NUTM2G: variants seen among roughly 807,000 people sequenced by gnomAD.
NUTM2G encodes the protein NUT family member 2G.
NUTM2G carries 29 observed loss-of-function variants against 44.3 expected under a neutral mutation model. The ratio of observed to expected loss-of-function variants is 0.66; its 90% CI spans 0.49 to 0.89. The LOEUF is 0.89. Ranked by LOEUF, NUTM2G falls within the 40% of genes least tolerant of loss-of-function variation. The pLI, the probability that NUTM2G is intolerant of heterozygous loss-of-function variation, is 0.00. For missense variants in NUTM2G, 502 were observed against 946.5 expected (o/e 0.53, Z 6.16); for synonymous variants, 205 against 395.9 (o/e 0.52, Z 5.72).
At chr9:96,936,798 G>C (rs1353799169) in intron 4 of NUTM2G, among the ~76,000 whole-genome samples, 2 of 152,176 alleles carry the variant, frequency 1.3e-5, no homozygotes, top group African/African-American at 4.8e-5. Flanking sequence ...CTCTCCCCTT[G>C]CCTGTCCAAA....
chr9:96,934,820 GTCCCAGA>G (rs1338164049), intron 2 of NUTM2G, among the ~76,000 whole-genome samples: 10 of 152,164 alleles, frequency 6.6e-5, no homozygotes, highest in African/African-American at 4.8e-5. Flanking sequence ...GAGGCCAGAA[GTCCCAGA>G]TCAAGGTGAC....
rs557506451 is a variant in NUTM2G at position 96,937,472 on chromosome 9, A to G, written c.1323+68A>G. ...GTGGCACTTCCAGGTCCTTGGAATTAAGCTCTGTTCCTTAGCTACTCAGTA... is the reference window on the plus strand; with the variant it reads ...GTGGCACTTCCAGGTCCTTGGAATTGAGCTCTGTTCCTTAGCTACTCAGTA... On this transcript the variant is annotated intron_variant, in intron 5 of 6. Transcript: ENST00000372322. 4,675 of 1,427,662 alleles carry G rather than the reference A, an allele frequency of 3.3e-3. 20 individuals are homozygous for G. The highest frequency in any genetic ancestry group is 4.0e-3 in the Non-Finnish European group (4,137 of 1,031,930). 88.4% of individuals were successfully genotyped at this position (1,427,662 alleles called of 1,614,324 possible).
Position 96,937,146 on chromosome 9 carries a change from G to T in NUTM2G, c.1065G>T (p.Lys355Asn), listed in dbSNP as rs201133792. The T allele has an allele frequency of 6.2e-7, 1 of 1,611,732 alleles. No individual in the cohort carries two copies. The highest frequency in any genetic ancestry group is 1.3e-5 in the African/African-American group (1 of 74,802). The stretch of plus-strand genomic sequence containing the variant: ...GGCCCCAGAGGCCAGCGGAGACCAA[G>T]GCCCACCTGCCACCACCCAGGCCCC... The part of the protein sequence containing the change: ...PPRPQRPAET[K>N]AHLPPPRPPR... The change falls in exon 5 of 7, where the codon AAG (lysine) becomes AAT (asparagine). Residue 355 changes from lysine (K) to asparagine (N), a missense_variant. Coordinates refer to ENST00000372322, the MANE Select transcript of NUTM2G (RefSeq NM_001170741.3).
downstream of NUTM2G, among the ~76,000 whole-genome samples, chr9:96,942,230 C>T (rs1826610711): frequency 7.2e-6 from 1 of 138,452 alleles, no homozygotes; most frequent in Admixed American, 7.2e-5. Flanking sequence ...TGGACTTGCT[C>T]CAGGTGGCTG....
At chr9:96,933,585 G>A (rs1438122421) in intron 2 of NUTM2G, 1 of 151,982 alleles carries the variant, frequency 6.6e-6, no homozygotes, top group African/African-American at 2.4e-5. Context: ...TGTTAAGCAG[G>A]CTGGTCTTGA....
At chr9:96,940,842 T>C (rs1438198365), downstream of NUTM2G, among the ~76,000 whole-genome samples, 1 of 152,288 alleles carries the variant, frequency 6.6e-6, no homozygotes, top group African/African-American at 2.4e-5. Flanking sequence ...CTCTGCCCCA[T>C]CCCTTCTGCT....
In NUTM2G at chr9:96,937,312, G is replaced by A. The variant is rs767425758; in HGVS notation, c.1231G>A (p.Glu411Lys). The change falls in exon 5 of 7, where the codon GAG becomes AAG. Residue 411 changes from glutamate to lysine, a missense_variant. Coordinates refer to ENST00000372322, the MANE Select transcript of NUTM2G (RefSeq NM_001170741.3). ...GGGACAACGGGAAAAGGGCAAAGTGGAGCAGCCGCAGGAAGAGGACGGGAT... is the reference window on the plus strand; with the variant it reads ...GGGACAACGGGAAAAGGGCAAAGTGAAGCAGCCGCAGGAAGAGGACGGGAT... ...PEGQREKGKVEQPQEEDGMTS... is the reference protein window; with the variant it reads ...PEGQREKGKVKQPQEEDGMTS... The A allele has an allele frequency of 1.2e-6, 2 of 1,613,910 alleles. No individual in the cohort carries two copies. The highest frequency in any genetic ancestry group is 1.7e-6 in the Non-Finnish European group (2 of 1,179,862).
rs1445632518 is a variant in NUTM2G at position 96,937,940 on chromosome 9, A to G, written c.1379A>G (p.Gln460Arg). 6.2e-7 allele frequency: 1 copy of G among 1,611,788 alleles called. No homozygotes were observed. Among genetic ancestry groups the G allele is most frequent in the Non-Finnish European group, 8.5e-7 (1 of 1,179,828 alleles). The change falls in exon 6 of 7, where the codon CAG (glutamine) becomes CGG (arginine). Residue 460 changes from glutamine to arginine, a missense_variant. Physicochemically the swap from Gln to Arg is conservative, Grantham distance 43. Transcript: ENST00000372322. ...FLEELLSPDP[Q>R]MDFLALSQEL... ...GAAGAATTGCTTTCCCCAGATCCAC[A>G]GATGGATTTCTTGGCCCTAAGCCAG...
intron 2 of NUTM2G, among the ~76,000 whole-genome samples, chr9:96,934,087 T>C (rs1826355006): frequency 6.6e-6 from 1 of 151,832 alleles, no homozygotes. Flanking sequence ...TCTAGGAGAG[T>C]GCTCCCCAAA....
In NUTM2G at chr9:96,937,320, G is replaced by A. The variant is rs200040745; in HGVS notation, c.1239G>A (p.Pro413=). The A allele has an allele frequency of 2.7e-4, 429 of 1,613,900 alleles. 1 individual carries two copies. Among genetic ancestry groups the A allele is most frequent in the Middle Eastern group, 1.0e-3 (6 of 6,020 alleles). Reference sequence around the variant, plus strand: ...GGGAAAAGGGCAAAGTGGAGCAGCCGCAGGAAGAGGACGGGATGACCTCAG... The same window carrying A: ...GGGAAAAGGGCAAAGTGGAGCAGCCACAGGAAGAGGACGGGATGACCTCAG... The part of the protein sequence containing the change: ...GQREKGKVEQ[P]QEEDGMTSDP... Residue 413 remains proline (P), a synonymous_variant, in exon 5 of 7, where the codon CCG becomes CCA. Transcript: ENST00000372322.
Position 96,931,774 on chromosome 9 carries a change from T to G in NUTM2G, c.69T>G (p.Ser23=). The change falls in exon 2 of 7, where the codon TCT becomes TCG. Residue 23 remains serine, a synonymous_variant. Coordinates refer to ENST00000372322, the MANE Select transcript of NUTM2G (RefSeq NM_001170741.3). ...GVTVNPGTSL[S]VFTALPFATP... is the part of the protein sequence containing the mutation. ...CCGTGAACCCTGGCACCTCCCTGTC[T>G]GTGTTCACGGCTCTGCCCTTTGCCA... The G allele has an allele frequency of 1.2e-6, 2 of 1,611,642 alleles. No individual in the cohort carries two copies. The highest frequency in any genetic ancestry group is 2.2e-5 in the South Asian group (2 of 90,978).
At chr9:96,930,872 G>GTGTTTTT in intron 1 of NUTM2G, among the ~76,000 whole-genome samples, 1 of 72,726 alleles carries the variant, frequency 1.4e-5, no homozygotes, top group Admixed American at 2.0e-4. Flanking sequence ...CCATCCAGTG[G>GTGTTTTT]TTTTTTTTTT....
chr9:96,935,559 T>C, intron 3 of NUTM2G, 103 bp downstream of exon 3: 2 of 1,605,992 alleles, frequency 1.2e-6, no homozygotes, highest in Non-Finnish European at 1.7e-6. Context: ...ATGAGGAGGG[T>C]GTGGACAAAC....
chr9:96,935,390 G>A lies in NUTM2G; in HGVS notation c.776G>A (p.Arg259Gln), dbSNP rs2479288. 2.0e-4 allele frequency: 327 copies of A among 1,611,240 alleles called. 1 individual carries two copies. Among genetic ancestry groups the A allele is most frequent in the African/African-American group, 1.2e-3 (89 of 74,822 alleles). The stretch of plus-strand genomic sequence containing the variant: ...ATGACGCTGGAGGAGGGACTGTGGC[G>A]GGCCATGCGGGAATGGCAGCACACG... The part of the protein sequence containing the change: ...PTMTLEEGLW[R>Q]AMREWQHTSN... The change falls in exon 3 of 7, where the codon CGG (arginine) becomes CAG (glutamine). Residue 259 changes from arginine (R) to glutamine (Q), a missense_variant. Arg to Gln is a conservative substitution (Grantham distance 43). Coordinates refer to ENST00000372322, the MANE Select transcript of NUTM2G (RefSeq NM_001170741.3).
At chr9:96,936,371 G>C (rs898665191) in intron 3 of NUTM2G, 54 bp from the exon 4 acceptor site, 7 of 1,544,238 alleles carry the variant, frequency 4.5e-6, no homozygotes, top group Non-Finnish European at 6.1e-6. Context: ...GCCTGGTCCT[G>C]GGGGGAGGGG....
chr9:96,938,853 G>A lies in NUTM2G; in HGVS notation c.1930G>A (p.Val644Ile). 3 of 1,552,504 alleles carry A rather than the reference G, an allele frequency of 1.9e-6. No homozygotes were observed. Among genetic ancestry groups the A allele is most frequent in the Non-Finnish European group, 2.6e-6 (3 of 1,154,352 alleles). The change falls in exon 7 of 7, where the codon GTC (valine) becomes ATC (isoleucine). Residue 644 changes from valine (V) to isoleucine (I), a missense_variant. By Grantham distance (29) the Val-to-Ile change is conservative (BLOSUM62 3). Coordinates refer to ENST00000372322, the MANE Select transcript of NUTM2G (RefSeq NM_001170741.3). ...GCCCTGGAGGCTGTCCCAGAGCCCTGTCCCTTCCTCGGGCCTTCTCAGCCC... is the reference window on the plus strand; with the variant it reads ...GCCCTGGAGGCTGTCCCAGAGCCCTATCCCTTCCTCGGGCCTTCTCAGCCC... ...LRPWRLSQSP[V>I]PSSGLLSPGG...
intron 2 of NUTM2G, chr9:96,933,800 C>G (rs1198194822): frequency 1.3e-5 from 2 of 152,702 alleles, no homozygotes; most frequent in Admixed American, 6.5e-5. Context: ...CACACCCACT[C>G]TTCTGCCGCG....
chr9:96,933,195 C>G lies in NUTM2G; in HGVS notation c.713+777C>G, dbSNP rs187173888. Among the ~76,000 whole-genome samples the G allele has an allele frequency of 2.6e-3, 389 of 148,048 alleles. 1 individual carries two copies. The highest frequency in any genetic ancestry group is 8.7e-3 in the East Asian group (42 of 4,838). On this transcript the variant is annotated intron_variant, in intron 2 of 6. Coordinates refer to ENST00000372322, the MANE Select transcript of NUTM2G (RefSeq NM_001170741.3). The stretch of plus-strand genomic sequence containing the variant: ...GGGTTTCACCATGTTAGCCAGGATG[C>G]TCTCAATCTCCTGCCCTGGTGATTC...
chr9:96,940,386 G>A (rs1826564225), downstream of NUTM2G: 1 of 149,660 alleles, frequency 6.7e-6, no homozygotes, highest in African/African-American at 2.5e-5. Flanking sequence ...AGGGACTGAG[G>A]CTGGGGAGGA....
Sources: gnomAD v4.1 joint callset for allele counts (sites outside exome capture counted in the v4.1 genomes callset) on GRCh38, gnomAD v4.1.1 for gene constraint, MANE v1.5 for transcripts, NCBI Gene and HGNC (gene_info 2026-07-23, HGNC 2026-07-21) for gene names.